PARP4: variants seen among roughly 807,000 people sequenced by gnomAD.
PARP4 encodes the protein protein mono-ADP-ribosyltransferase PARP4.
PARP4 carries 120 observed loss-of-function variants against 187.7 expected under a neutral mutation model. The ratio of observed to expected loss-of-function variants is 0.64; its 90% CI spans 0.55 to 0.74. The LOEUF (loss-of-function observed/expected upper bound fraction) is 0.74, where lower values mean the gene tolerates loss of function less well. PARP4 is among the 30% of genes least tolerant of loss of function. The pLI is 0.00. For missense variants in PARP4, 1,836 were observed against 2,070.5 expected (o/e 0.89, Z 2.20); for synonymous variants, 654 against 740.9 (o/e 0.88, Z 1.90).
At chr13:24,429,988 C>T (rs1870252620) in intron 32 of PARP4, among the ~76,000 whole-genome samples, 1 of 152,194 alleles carries the variant, frequency 6.6e-6, no homozygotes, top group Non-Finnish European at 1.5e-5. Flanking sequence ...CGTGTGGAGC[C>T]CACCTAGTTG....
chr13:24,460,023 G>A lies in PARP4; in HGVS notation c.2247C>T (p.Pro749=), dbSNP rs34385526. 1,298 of 1,613,956 alleles carry A rather than the reference G, an allele frequency of 8.0e-4. 5 individuals carry two copies. In the African/African-American group the frequency reaches 0.011, roughly 13 times the overall value. ...CCTGTTGCCAGGGTGCTACGGTGGC[G>A]GGCATGAAAAAGACACCAACAGTGC... ...ILGTVGVFFM[P]ATVAPWQQDK... is the part of the protein sequence containing the mutation. Residue 749 remains proline (P), a synonymous_variant, in exon 18 of 34, where the codon CCC becomes CCT. Transcript: ENST00000381989.
intron 30 of PARP4, among the ~76,000 whole-genome samples, chr13:24,438,546 T>G (rs772126520): frequency 2.9e-4 from 44 of 152,266 alleles, no homozygotes; most frequent in Middle Eastern, 3.4e-3. Context: ...AAACTTGGAT[T>G]AGGAGGTATG....
chr13:24,460,511 T>TGGGTGGGCTCTGCTGCAC (rs1872168161), intron 17 of PARP4, among the ~76,000 whole-genome samples: 1 of 128,208 alleles, frequency 7.8e-6, no homozygotes, highest in Admixed American at 7.4e-5. Flanking sequence ...CTCTGCTGCA[T>TGGGTGGGCTCTGCTGCAC]GGGTGGGCTC....
intron 32 of PARP4, 49 bp from the exon 33 acceptor site, chr13:24,426,647 A>C: frequency 6.5e-7 from 1 of 1,532,446 alleles, no homozygotes; most frequent in Non-Finnish European, 9.0e-7. Context: ...CTGCATCTCA[A>C]ACTGTGCCTG....
intron 1 of PARP4, among the ~76,000 whole-genome samples, chr13:24,504,883 G>A (rs1009609375): frequency 2.6e-5 from 4 of 150,974 alleles, no homozygotes; most frequent in African/African-American, 9.8e-5. Context: ...TAGTAGAGTC[G>A]GGGGTTTTAC....
intron 30 of PARP4, among the ~76,000 whole-genome samples, chr13:24,440,850 A>C (rs7998797): frequency 0.4 from 60,336 of 151,998 alleles, 12,220 homozygotes; most frequent in African/African-American, 0.46. Flanking sequence ...CTTCTTTTAG[A>C]AACAAGGTTG....
intron 32 of PARP4, among the ~76,000 whole-genome samples, chr13:24,430,870 C>T (rs1365606752): frequency 6.6e-6 from 1 of 152,274 alleles, no homozygotes; most frequent in Non-Finnish European, 1.5e-5. Context: ...CAGTACATTT[C>T]TCAGGCCTTC....
At chr13:24,450,676 C>G (rs1232441979) in intron 24 of PARP4, among the ~76,000 whole-genome samples, 1 of 152,122 alleles carries the variant, frequency 6.6e-6, no homozygotes, top group Admixed American at 6.5e-5. Context: ...GGGAAGCTCA[C>G]TTTACTAGAG....
chr13:24,426,737 T>C (rs1427513872), intron 32 of PARP4, 139 bp from the exon 33 acceptor site: 1 of 723,562 alleles, frequency 1.4e-6, no homozygotes. Flanking sequence ...AAAAAAAAAA[T>C]ACAAAAAATT....
chr13:24,486,647 C>T (rs1217640342), intron 10 of PARP4, among the ~76,000 whole-genome samples: 4 of 152,096 alleles, frequency 2.6e-5, no homozygotes, highest in African/African-American at 7.2e-5. Context: ...CTTTCAACAA[C>T]AATAAAAAAG....
At chr13:24,459,532 T>TATACAC in intron 18 of PARP4, 2 of 315,822 alleles carry the variant, frequency 6.3e-6, no homozygotes, top group Non-Finnish European at 1.1e-5. Flanking sequence ...TCTGTGTGTA[T>TATACAC]ACACACACAC....
chr13:24,457,686 G>A (rs1871939397), intron 20 of PARP4, among the ~76,000 whole-genome samples: 1 of 144,222 alleles, frequency 6.9e-6, no homozygotes, highest in Admixed American at 7.2e-5. Flanking sequence ...CATGAGAATC[G>A]TTTGAACCCA....
intron 12 of PARP4, among the ~76,000 whole-genome samples, chr13:24,483,868 C>T (rs1286933740): frequency 6.6e-6 from 1 of 152,244 alleles, no homozygotes; most frequent in Non-Finnish European, 1.5e-5. Context: ...CTCAAGTGAT[C>T]TACCTGCCTT....
intron 12 of PARP4, among the ~76,000 whole-genome samples, chr13:24,480,907 C>T (rs188668740): frequency 3.2e-4 from 48 of 152,356 alleles, no homozygotes; most frequent in African/African-American, 1.0e-3. Context: ...CTTCACCACA[C>T]AACAGATTTT....
At chr13:24,491,690 GGTT>G (rs1868662709) in intron 9 of PARP4, among the ~76,000 whole-genome samples, 1 of 150,856 alleles carries the variant, frequency 6.6e-6, no homozygotes, top group African/African-American at 2.5e-5. Context: ...TCTAAGGCAG[GGTT>G]GGCTGCTGTG....
chr13:24,508,214 T>G (rs1333831718), intron 1 of PARP4, among the ~76,000 whole-genome samples: 1 of 152,160 alleles, frequency 6.6e-6, no homozygotes, highest in African/African-American at 2.4e-5. Context: ...CTTTAATGAC[T>G]CTTTAATAAT....
intron 33 of PARP4, among the ~76,000 whole-genome samples, chr13:24,422,663 C>T (rs1869806953): frequency 6.6e-6 from 1 of 151,968 alleles, no homozygotes; most frequent in South Asian, 2.1e-4. Flanking sequence ...GGCTGGAGTG[C>T]AGGGACACGA....
intron 25 of PARP4, among the ~76,000 whole-genome samples, chr13:24,447,647 C>T (rs1295610038): frequency 6.6e-6 from 1 of 152,230 alleles, no homozygotes; most frequent in Non-Finnish European, 1.5e-5. Flanking sequence ...AGGCATGAGC[C>T]ACCACGCCCA....
chr13:24,435,201 TAGA>T lies in PARP4; in HGVS notation c.3937_3939del (p.Ser1314del). The T allele has an allele frequency of 6.2e-7, 1 of 1,614,188 alleles. No individual in the cohort carries two copies. Among genetic ancestry groups the T allele is most frequent in the Non-Finnish European group, 8.5e-7 (1 of 1,180,030 alleles). On this transcript the variant is annotated inframe_deletion, in exon 31 of 34. Transcript: ENST00000381989. Reference sequence around the variant, plus strand: ...GCCGGAGCCAAAATAGGAAAAAAGCTAGAAGTAGATGTTTCCCATGGACTGACT... The same window carrying T: ...GCCGGAGCCAAAATAGGAAAAAAGCTAGTAGATGTTTCCCATGGACTGACT...
Sources: gnomAD v4.1 joint callset for allele counts (sites outside exome capture counted in the v4.1 genomes callset) on GRCh38, gnomAD v4.1.1 for gene constraint, MANE v1.5 for transcripts, NCBI Gene and HGNC (gene_info 2026-07-23, HGNC 2026-07-21) for gene names.